FAM120A: variants seen among roughly 807,000 people sequenced by gnomAD.
FAM120A encodes the protein constitutive coactivator of PPAR-gamma-like protein 1.
A neutral mutation model predicts 109.7 loss-of-function variants in FAM120A; 15 were observed. That is an observed-to-expected ratio of 0.14 (90% CI 0.09 to 0.21). The LOEUF (loss-of-function observed/expected upper bound fraction) is 0.21, where lower values mean the gene tolerates loss of function less well. Among genes scored for constraint, FAM120A ranks in the 10% least tolerant of loss-of-function variants. The probability of loss-of-function intolerance (pLI) is 1.00; values close to 1 mark genes in which losing one functional copy is unlikely to be tolerated. For missense variants in FAM120A, 899 were observed against 1,439.3 expected (o/e 0.62, Z 6.07); for synonymous variants, 493 against 572.8 (o/e 0.86, Z 1.99).
intron 3 of FAM120A, among the ~76,000 whole-genome samples, chr9:93,484,101 T>C (rs1481428800): frequency 6.6e-6 from 1 of 151,738 alleles, no homozygotes. Context: ...GTGCAGTGGC[T>C]GTTCACAGGT....
chr9:93,525,816 T>C (rs1861056065), intron 7 of FAM120A, among the ~76,000 whole-genome samples: 1 of 152,214 alleles, frequency 6.6e-6, no homozygotes, highest in Admixed American at 6.5e-5. Context: ...CAGGCAGAGA[T>C]TGTGCATGAG....
intron 13 of FAM120A, among the ~76,000 whole-genome samples, chr9:93,556,948 G>A (rs192130586): frequency 1.3e-5 from 2 of 152,078 alleles, no homozygotes; most frequent in Admixed American, 6.5e-5. Context: ...GTGCATTTTC[G>A]TTAAAGACAC....
At chr9:93,530,736 G>C (rs185584028) in intron 9 of FAM120A, 4 of 152,332 alleles carry the variant, frequency 2.6e-5, no homozygotes, top group Admixed American at 2.6e-4. Context: ...TAAAGGGTAA[G>C]TGAAAAGTAA....
At chr9:93,504,649 G>A (rs920504466) in intron 5 of FAM120A, among the ~76,000 whole-genome samples, 2 of 151,988 alleles carry the variant, frequency 1.3e-5, no homozygotes, top group Non-Finnish European at 2.9e-5. Flanking sequence ...TTTTAATGCT[G>A]TGCAGCATTC....
chr9:93,558,863 T>C (rs1587640013), intron 15 of FAM120A, 145 bp downstream of exon 15: 3 of 876,580 alleles, frequency 3.4e-6, no homozygotes, highest in East Asian at 2.7e-5. Context: ...CTGACCCTCA[T>C]TGACCACTCC....
At chr9:93,494,244 G>T (rs1358439590) in intron 3 of FAM120A, among the ~76,000 whole-genome samples, 1 of 152,146 alleles carries the variant, frequency 6.6e-6, no homozygotes, top group Non-Finnish European at 1.5e-5. Context: ...TACTCCTTTG[G>T]AATTCTTCCC....
At chr9:93,555,027 C>G (rs1862245524) in intron 12 of FAM120A, among the ~76,000 whole-genome samples, 1 of 152,192 alleles carries the variant, frequency 6.6e-6, no homozygotes, top group Non-Finnish European at 1.5e-5. Context: ...AGAATTCTCC[C>G]TTTCTGCAGC....
intron 3 of FAM120A, among the ~76,000 whole-genome samples, chr9:93,483,769 A>G (rs1198820455): frequency 6.6e-6 from 1 of 152,232 alleles, no homozygotes; most frequent in Non-Finnish European, 1.5e-5. Flanking sequence ...TAATGTATAC[A>G]GATTCATTGT....
chr9:93,560,195 T>C (rs1862423301), intron 15 of FAM120A, among the ~76,000 whole-genome samples: 1 of 152,008 alleles, frequency 6.6e-6, no homozygotes, highest in South Asian at 2.1e-4. Flanking sequence ...CTCAGGAGGC[T>C]GAGGCGGGAG....
At chr9:93,560,736 A>C (rs1442257191) in intron 15 of FAM120A, among the ~76,000 whole-genome samples, 5 of 152,230 alleles carry the variant, frequency 3.3e-5, no homozygotes. Flanking sequence ...TATGATGTTC[A>C]GTTAAGGTAG....
intron 12 of FAM120A, 85 bp from the exon 13 acceptor site, chr9:93,556,297 A>C: frequency 5.3e-6 from 6 of 1,134,760 alleles, no homozygotes; most frequent in Non-Finnish European, 7.9e-6. Flanking sequence ...TATTCTGTTA[A>C]CTTTGGAGAG....
At position 93,557,959 on chromosome 9, in the gene FAM120A, C is replaced by T. The variant is rs754366071; in HGVS notation, c.2617C>T (p.Arg873Trp). Residue 873 changes from arginine (R) to tryptophan (W), a missense_variant, in exon 14 of 18, where the codon CGG becomes TGG. Transcript: ENST00000277165. ...CTTCTACCCTGCCTCTGCGTACCCC[C>T]GGCACTTTGGGCCTGTCCCACCCTC... ...LPFYPASAYPRHFGPVPPSQG... is the reference protein window; with the variant it reads ...LPFYPASAYPWHFGPVPPSQG... 18 of 1,604,850 alleles carry T rather than the reference C, an allele frequency of 1.1e-5. No homozygotes were observed. The highest frequency in any genetic ancestry group is 2.2e-5 in the East Asian group (1 of 44,856).
At chr9:93,563,450 G>A (rs542372977) in intron 17 of FAM120A, among the ~76,000 whole-genome samples, 8 of 152,324 alleles carry the variant, frequency 5.3e-5, no homozygotes, top group African/African-American at 1.4e-4. Flanking sequence ...GATTTTAATG[G>A]GTGAAGCCTA....
intron 7 of FAM120A, among the ~76,000 whole-genome samples, chr9:93,521,968 T>C (rs1476377627): frequency 6.6e-6 from 1 of 152,152 alleles, no homozygotes; most frequent in Non-Finnish European, 1.5e-5. Flanking sequence ...TAGTCCCAGC[T>C]ACTTGGGAGG....
chr9:93,547,221 T>C (rs188689951), intron 11 of FAM120A, among the ~76,000 whole-genome samples: 1 of 152,314 alleles, frequency 6.6e-6, no homozygotes, highest in East Asian at 1.9e-4. Flanking sequence ...CAGCAGCTTA[T>C]GTTCTTGTAG....
chr9:93,476,203 T>G, intron 2 of FAM120A, 53 bp from the exon 3 acceptor site: 2 of 1,256,412 alleles, frequency 1.6e-6, no homozygotes, highest in East Asian at 4.7e-5. Flanking sequence ...TTTGAAAGTT[T>G]CCCTATGTTA....
In FAM120A at chr9:93,452,923, C is replaced by T. The variant is rs2131171391; in HGVS notation, c.474+534C>T. ...TGTTGTTAGCCCGGTGACAGCGAGA[C>T]GTGTCTAAGGGCCAGTGCCCTGGCC... On this transcript the variant is annotated intron_variant, in intron 1 of 17. Transcript: ENST00000277165. The surrounding 1 kb of genome is among the most constrained non-coding windows in gnomAD (Gnocchi z 7.0). 7.0e-7 allele frequency: 1 copy of T among 1,424,788 alleles called. No homozygotes were observed. Among genetic ancestry groups the T allele is most frequent in the Non-Finnish European group, 9.1e-7 (1 of 1,096,224 alleles). The allele number at this position is 1,424,788 out of a possible 1,614,324, so 88.3% of individuals were successfully genotyped here.
chr9:93,488,605 C>T (rs150899572), intron 3 of FAM120A, among the ~76,000 whole-genome samples: 1 of 152,148 alleles, frequency 6.6e-6, no homozygotes, highest in African/African-American at 2.4e-5. Flanking sequence ...GATGTTGCAC[C>T]TGCACATCAG....
At chr9:93,519,860 G>A (rs1320199831) in intron 7 of FAM120A, among the ~76,000 whole-genome samples, 1 of 152,150 alleles carries the variant, frequency 6.6e-6, no homozygotes, top group African/African-American at 2.4e-5. Context: ...AAAAAGGTAA[G>A]TGGTTTTCTA....
Sources: allele counts gnomAD v4.1 joint callset (sites outside exome capture counted in the v4.1 genomes callset), GRCh38; gene constraint gnomAD v4.1.1; non-coding constraint Gnocchi (gnomAD v3.1); transcripts MANE v1.5; gene names NCBI Gene and HGNC (gene_info 2026-07-23, HGNC 2026-07-21).